Variants in ASTN2 observed in about 807,000 individuals in gnomAD.
The protein encoded by ASTN2 is astrotactin-2.
ASTN2 carries 54 observed loss-of-function variants against 139.8 expected under a neutral mutation model. That is an observed-to-expected ratio of 0.39 (90% CI 0.31 to 0.48). ASTN2 has a LOEUF of 0.48. Ranked by LOEUF, ASTN2 falls within the 20% of genes least tolerant of loss-of-function variation. The probability of loss-of-function intolerance (pLI) is 0.95; values close to 1 mark genes in which losing one functional copy is unlikely to be tolerated. For synonymous variants in ASTN2, 756 were observed against 719.5 expected, an observed-to-expected ratio of 1.05 and a Z score of -0.81; for missense variants, 1,565 against 1,725.1, an observed-to-expected ratio of 0.91 and a Z score of 1.64.
intron 2 of ASTN2, among the ~76,000 whole-genome samples, chr9:117,227,992 G>A (rs1039735323): frequency 2.0e-5 from 3 of 152,062 alleles, no homozygotes; most frequent in Non-Finnish European, 4.4e-5. Flanking sequence ...TGTCAATAAT[G>A]TGGCTCAAAA....
chr9:116,539,465 T>C (rs1016785245), intron 19 of ASTN2, among the ~76,000 whole-genome samples: 54 of 152,014 alleles, frequency 3.6e-4, no homozygotes, highest in Non-Finnish European at 1.2e-4. Context: ...ATTTAAAGAC[T>C]GAGTCAAAAA....
At chr9:116,962,210 G>A (rs1835893532) in intron 10 of ASTN2, among the ~76,000 whole-genome samples, 1 of 152,218 alleles carries the variant, frequency 6.6e-6, no homozygotes, top group African/African-American at 2.4e-5. Flanking sequence ...CCTGGGACTT[G>A]TTCTCTTTCT....
At chr9:116,896,927 C>T (rs544998974) in intron 10 of ASTN2, among the ~76,000 whole-genome samples, 7 of 152,282 alleles carry the variant, frequency 4.6e-5, no homozygotes, top group South Asian at 2.1e-4. Flanking sequence ...CAAACCATAT[C>T]AGTGTGTTAA....
Position 116,425,588 on chromosome 9 carries a change from G to A in ASTN2, c.*263C>T. ...GATTGACAGCCATCCATAAGAAAAG[G>A]TTTAAAAAGGAGAGACTTTTGATAG... On this transcript the variant is annotated 3_prime_UTR_variant, in exon 23 of 23. Coordinates refer to ENST00000313400, the MANE Select transcript of ASTN2 (RefSeq NM_001365068.1). The A allele has an allele frequency of 6.2e-7, 1 of 1,613,314 alleles. No individual in the cohort carries two copies. The highest frequency in any genetic ancestry group is 8.5e-7 in the Non-Finnish European group (1 of 1,179,818).
At chr9:116,700,389 A>T (rs1185883765) in intron 16 of ASTN2, 1 of 167,224 alleles carries the variant, frequency 6.0e-6, no homozygotes, top group Non-Finnish European at 1.5e-5. Flanking sequence ...GGTATTGATG[A>T]CTTCAGCCTG....
rs1587930837 is a variant in ASTN2, at chr9:116,521,393, G to C, written c.3356-33893C>G. ...GCAAAGCAAACAAAAACATAAAGTG[G>C]GAAAAGGACACCCTATTCAGTAAAT... On this transcript the variant is annotated intron_variant, in intron 19 of 22. Coordinates refer to ENST00000313400, the MANE Select transcript of ASTN2 (RefSeq NM_001365068.1). Among the ~76,000 whole-genome samples, 6 of 152,178 alleles carry C rather than the reference G, an allele frequency of 3.9e-5. 1 individual carries two copies. The South Asian group carries it at 1.2e-3, about 32-fold the overall frequency.
chr9:117,398,806 G>C (rs917721950), intron 1 of ASTN2, among the ~76,000 whole-genome samples: 1 of 152,112 alleles, frequency 6.6e-6, no homozygotes, highest in African/African-American at 2.4e-5. Flanking sequence ...TTTTGAGATG[G>C]AGTCTTGCTC....
At chr9:116,689,843 G>A (rs1189289836) in intron 16 of ASTN2, among the ~76,000 whole-genome samples, 1 of 152,082 alleles carries the variant, frequency 6.6e-6, no homozygotes, top group Non-Finnish European at 1.5e-5. Context: ...GAGGTGCAAC[G>A]GACTATAGGG....
At chr9:116,785,662 G>A (rs1280764896) in intron 13 of ASTN2, among the ~76,000 whole-genome samples, 1 of 152,088 alleles carries the variant, frequency 6.6e-6, no homozygotes, top group East Asian at 1.9e-4. Context: ...CAAAATTCAG[G>A]GCACTAACCT....
intron 2 of ASTN2, among the ~76,000 whole-genome samples, chr9:117,255,577 G>A (rs1224645011): frequency 6.6e-6 from 1 of 152,180 alleles, no homozygotes; most frequent in Non-Finnish European, 1.5e-5. Flanking sequence ...GAGAGGAGGT[G>A]GTTTCTGAGA....
chr9:117,369,954 T>TA (rs941093114), intron 1 of ASTN2, among the ~76,000 whole-genome samples: 16 of 151,560 alleles, frequency 1.1e-4, no homozygotes, highest in South Asian at 2.1e-4. Flanking sequence ...TTTATTACAT[T>TA]AAAAAAAAAT....
chr9:117,271,044 T>C (rs1275842886), intron 2 of ASTN2, among the ~76,000 whole-genome samples: 3 of 152,172 alleles, frequency 2.0e-5, no homozygotes, highest in Non-Finnish European at 4.4e-5. Context: ...TATTTTAGCA[T>C]AGCGGCTACT....
Position 117,096,053 on chromosome 9 carries a change from G to T in ASTN2, c.1267C>A (p.Arg423Ser). 6.2e-7 allele frequency: 1 copy of T among 1,613,732 alleles called. No individual in the cohort carries two copies. Among genetic ancestry groups the T allele is most frequent in the Non-Finnish European group, 8.5e-7 (1 of 1,179,788 alleles). Residue 423 changes from arginine (R) to serine (S), a missense_variant, in exon 5 of 23, where the codon CGC becomes AGC. Around this residue, in one of 4 missense-constraint regions of ASTN2, gnomAD observed 596 missense variants for 576.8 expected, o/e 1.03. Coordinates refer to ENST00000313400, the MANE Select transcript of ASTN2 (RefSeq NM_001365068.1). ...FYTEQYRSRR[R>S]SKGLLKSPVN... Reference sequence around the variant, plus strand: ...CCAAGGACACTATTACCTTTGCTGCGGCGGCGACTGCGGTACTGCTCCGTG... The same window carrying T: ...CCAAGGACACTATTACCTTTGCTGCTGCGGCGACTGCGGTACTGCTCCGTG...
At chr9:116,610,306 T>C (rs906060658) in intron 19 of ASTN2, among the ~76,000 whole-genome samples, 3 of 152,090 alleles carry the variant, frequency 2.0e-5, no homozygotes, top group Non-Finnish European at 4.4e-5. Flanking sequence ...GCAATGATAG[T>C]ATAAAAGTAA....
At chr9:116,599,558 C>T (rs1188910310) in intron 19 of ASTN2, among the ~76,000 whole-genome samples, 1 of 152,060 alleles carries the variant, frequency 6.6e-6, no homozygotes, top group East Asian at 1.9e-4. Context: ...TGAGGCAATT[C>T]ACATATGGAA....
At chr9:117,214,794 G>A in intron 2 of ASTN2, 52 bp from the exon 3 acceptor site, 1 of 1,425,126 alleles carries the variant, frequency 7.0e-7, no homozygotes, top group South Asian at 1.7e-5. Flanking sequence ...TTGGAATCGA[G>A]GGCTGCAGGG....
intron 2 of ASTN2, among the ~76,000 whole-genome samples, chr9:117,217,087 C>T (rs970774898): frequency 2.0e-5 from 3 of 152,060 alleles, no homozygotes; most frequent in Admixed American, 6.5e-5. Context: ...CCCTTGGTTA[C>T]TGAACGGCAA....
intron 19 of ASTN2, among the ~76,000 whole-genome samples, chr9:116,537,811 T>C (rs978635882): frequency 1.3e-5 from 2 of 152,120 alleles, no homozygotes; most frequent in African/African-American, 2.4e-5. Flanking sequence ...CTAAGAGTAA[T>C]GGTAGTGATT....
At chr9:117,009,321 T>G (rs1240464840) in intron 6 of ASTN2, among the ~76,000 whole-genome samples, 2 of 152,134 alleles carry the variant, frequency 1.3e-5, no homozygotes, top group African/African-American at 4.8e-5. Flanking sequence ...TATTATATAG[T>G]ACTATATTAC....
Sources: gnomAD v4.1 joint callset for allele counts (sites outside exome capture counted in the v4.1 genomes callset) on GRCh38, gnomAD v4.1.1 for gene constraint, gnomAD v4.1.1 regional missense constraint, MANE v1.5 for transcripts, NCBI Gene and HGNC (gene_info 2026-07-23, HGNC 2026-07-21) for gene names.